RBFOX1: variants seen among roughly 807,000 people sequenced by gnomAD.
RBFOX1 encodes the protein RNA binding protein fox-1 homolog 1.
Under a neutral mutation model 57.7 loss-of-function variants are expected in RBFOX1, and 8 were observed. The observed-to-expected ratio is 0.14, with a 90% CI of 0.08 to 0.25. RBFOX1 has a LOEUF of 0.25. Ranked by LOEUF, RBFOX1 falls within the 10% of genes least tolerant of loss-of-function variation. The pLI, the probability that RBFOX1 is intolerant of heterozygous loss-of-function variation, is 1.00. For missense variants in RBFOX1, 611 were observed against 548.5 expected, an observed-to-expected ratio of 1.11 and a Z score of -1.14; for synonymous variants, 326 against 222.4, an observed-to-expected ratio of 1.47 and a Z score of -4.15.
intron 2 of RBFOX1, among the ~76,000 whole-genome samples, chr16:5,560,435 C>T (rs939002173): frequency 6.6e-6 from 1 of 152,236 alleles, no homozygotes; most frequent in Non-Finnish European, 1.5e-5. Flanking sequence ...CTTCTCCCCG[C>T]ACTCCGGTGT....
chr16:5,560,065 C>A (rs559560205), intron 2 of RBFOX1, among the ~76,000 whole-genome samples: 1 of 152,274 alleles, frequency 6.6e-6, no homozygotes, highest in East Asian at 1.9e-4. Flanking sequence ...CCCAGAGTGT[C>A]AACAGTGCTT....
At chr16:6,908,482 T>A (rs780401722) in intron 3 of RBFOX1, among the ~76,000 whole-genome samples, 4 of 152,150 alleles carry the variant, frequency 2.6e-5, no homozygotes, top group African/African-American at 9.7e-5. Flanking sequence ...GCATGCCCAA[T>A]CCTCTAGGAA....
chr16:5,999,343 C>T (rs879352409), intron 4 of RBFOX1, among the ~76,000 whole-genome samples: 9 of 152,232 alleles, frequency 5.9e-5, no homozygotes, highest in South Asian at 2.1e-4. Flanking sequence ...GACATCACTT[C>T]CACAAATAAA....
intron 3 of RBFOX1, among the ~76,000 whole-genome samples, chr16:5,727,043 G>C (rs1274947245): frequency 6.6e-6 from 1 of 152,176 alleles, no homozygotes; most frequent in African/African-American, 2.4e-5. Flanking sequence ...TGGATTACTT[G>C]AGGTCAGGAG....
Position 7,086,130 on chromosome 16 carries a change from A to G in RBFOX1, c.27+34032A>G, listed in dbSNP as rs139240664. Among the ~76,000 whole-genome samples the G allele has an allele frequency of 6.8e-3, 1,029 of 152,256 alleles. 12 individuals are homozygous for G. Among genetic ancestry groups the G allele is most frequent in the Middle Eastern group, 0.017 (5 of 294 alleles). On this transcript the variant is annotated intron_variant, in intron 4 of 15. Coordinates refer to ENST00000550418, the MANE Select transcript of RBFOX1 (RefSeq NM_018723.4). ...CTTAGCCAGTATGCATCTTGATGGG[A>G]CTACCTATAGGCTATTTTAACAGGT... is the stretch of plus-strand genomic sequence containing the variant.
chr16:5,735,036 T>C (rs2151573078), intron 3 of RBFOX1, among the ~76,000 whole-genome samples: 1 of 152,230 alleles, frequency 6.6e-6, no homozygotes, highest in East Asian at 1.9e-4. Context: ...ATGAGAGAAG[T>C]ATGTGAAGTC....
At chr16:7,005,179 CAAAAT>C (rs1380382103) in intron 3 of RBFOX1, among the ~76,000 whole-genome samples, 4 of 148,718 alleles carry the variant, frequency 2.7e-5, no homozygotes, top group Admixed American at 6.7e-5. Flanking sequence ...CAAAACTAAA[CAAAAT>C]AAACACATAT....
intron 2 of RBFOX1, among the ~76,000 whole-genome samples, chr16:6,630,172 T>C (rs996806964): frequency 1.3e-5 from 2 of 152,108 alleles, no homozygotes; most frequent in African/African-American, 4.8e-5. Context: ...GTTAATTAAG[T>C]AACTCATTGA....
intron 3 of RBFOX1, among the ~76,000 whole-genome samples, chr16:7,035,545 C>T (rs540448594): frequency 9.1e-4 from 139 of 152,218 alleles, no homozygotes; most frequent in African/African-American, 3.2e-3. Flanking sequence ...TCTTTCTGAA[C>T]GCTACTTGTG....
At chr16:5,539,137 G>A (rs2044826655) in intron 2 of RBFOX1, among the ~76,000 whole-genome samples, 1 of 152,138 alleles carries the variant, frequency 6.6e-6, no homozygotes, top group Non-Finnish European at 1.5e-5. Context: ...AGACACCTGG[G>A]CTTCCAGGTG....
intron 4 of RBFOX1, among the ~76,000 whole-genome samples, chr16:7,131,855 A>G (rs1166778072): frequency 6.6e-6 from 1 of 152,080 alleles, no homozygotes; most frequent in Non-Finnish European, 1.5e-5. Context: ...CAAATGGCTT[A>G]ACTTCCAGAG....
At chr16:5,250,553 T>C (rs1420477870) in intron 1 of RBFOX1, among the ~76,000 whole-genome samples, 1 of 152,224 alleles carries the variant, frequency 6.6e-6, no homozygotes, top group African/African-American at 2.4e-5. Context: ...CACACCTTTT[T>C]CCTCTGTGCA....
At chr16:5,872,907 C>G (rs1275318285) in intron 4 of RBFOX1, among the ~76,000 whole-genome samples, 1 of 152,048 alleles carries the variant, frequency 6.6e-6, no homozygotes, top group Non-Finnish European at 1.5e-5. Context: ...AATCCCAGCA[C>G]TTTGGGAGGC....
chr16:6,799,747 C>T (rs999829075), intron 3 of RBFOX1, among the ~76,000 whole-genome samples: 1 of 152,248 alleles, frequency 6.6e-6, no homozygotes, highest in East Asian at 1.9e-4. Context: ...CCTTGACCAT[C>T]AGCCTCCAGG....
chr16:6,097,139 T>C lies in RBFOX1; in HGVS notation c.-127+77147T>C, dbSNP rs548823637. ...ATAAGGGGAAATCGCTTTCACTTCG[T>C]TCTTATATTCTTTCCTGTCTGCTGC... On this transcript the variant is annotated intron_variant, in intron 1 of 15. Transcript: ENST00000550418. This position sits in a 1 kb window ranked among gnomAD's most constrained non-coding sequence, Gnocchi z 5.0. Among the ~76,000 whole-genome samples, 85 of 152,290 alleles carry C rather than the reference T, an allele frequency of 5.6e-4. No homozygotes were observed. The highest frequency in any genetic ancestry group is 2.0e-3 in the African/African-American group (83 of 41,548).
intron 3 of RBFOX1, among the ~76,000 whole-genome samples, chr16:5,651,163 C>T (rs1442425278): frequency 6.9e-6 from 1 of 145,816 alleles, no homozygotes; most frequent in African/African-American, 2.5e-5. Flanking sequence ...AGCGATTCTC[C>T]TGCTTCAGCC....
chr16:7,517,154 TG>T (rs2076542446), intron 4 of RBFOX1, among the ~76,000 whole-genome samples: 1 of 148,862 alleles, frequency 6.7e-6, no homozygotes, highest in Non-Finnish European at 1.5e-5. Context: ...TGTGTGTGTG[TG>T]TGTGTGTGTG....
At chr16:6,459,909 G>C (rs1469941830) in intron 2 of RBFOX1, among the ~76,000 whole-genome samples, 4 of 145,378 alleles carry the variant, frequency 2.8e-5, no homozygotes, top group African/African-American at 5.0e-5. Context: ...GCTTGAACCT[G>C]AGAGGCGGAG....
intron 3 of RBFOX1, among the ~76,000 whole-genome samples, chr16:5,814,230 G>A (rs566472409): frequency 7.2e-5 from 11 of 152,156 alleles, no homozygotes; most frequent in Admixed American, 1.3e-4. Context: ...AGCCTTAGCT[G>A]AAGTGCCTTT....
Sources: allele counts gnomAD v4.1 joint callset (sites outside exome capture counted in the v4.1 genomes callset), GRCh38; gene constraint gnomAD v4.1.1; non-coding constraint Gnocchi (gnomAD v3.1); transcripts MANE v1.5; gene names NCBI Gene and HGNC (gene_info 2026-07-23, HGNC 2026-07-21).